VCL: variants seen among roughly 807,000 people sequenced by gnomAD.
The protein encoded by VCL is epididymis luminal protein 114.
In VCL, 47 loss-of-function variants were observed where a neutral mutation model predicts 125.7. That is an observed-to-expected ratio of 0.37 (90% CI 0.30 to 0.48). VCL has a LOEUF of 0.48. Among genes scored for constraint, VCL ranks in the 20% least tolerant of loss-of-function variants. The pLI is 0.99. For missense variants in VCL, 1,069 were observed against 1,455.5 expected (o/e 0.73, Z 4.32); for synonymous variants, 458 against 514.6 (o/e 0.89, Z 1.49).
At chr10:74,062,789 C>T (rs144915845) in intron 2 of VCL, among the ~76,000 whole-genome samples, 29 of 151,988 alleles carry the variant, frequency 1.9e-4, no homozygotes, top group Admixed American at 1.6e-3. Context: ...CTTCCTTGGC[C>T]GGGTGCAGTG....
chr10:74,052,152 C>T (rs1430539215), intron 2 of VCL, among the ~76,000 whole-genome samples: 1 of 152,074 alleles, frequency 6.6e-6, no homozygotes, highest in African/African-American at 2.4e-5. Context: ...GACCTATCAC[C>T]CTGGTGGGTG....
intron 7 of VCL, 39 bp downstream of exon 7, chr10:74,082,583 G>A (rs1839694747): frequency 1.9e-6 from 3 of 1,602,930 alleles, no homozygotes; most frequent in East Asian, 4.5e-5. Context: ...AATACAACGA[G>A]AAGCTAAAAA....
In VCL at chr10:74,072,818, C is replaced by T; in HGVS notation, c.588C>T (p.Asn196=). ...GAGTGATGTTGGTGAACTCGATGAA[C>T]ACCGTGAAAGAGTTGCTGCCAGTTC... is the stretch of plus-strand genomic sequence containing the variant. ...EHRVMLVNSM[N]TVKELLPVLI... The change falls in exon 5 of 22, where the codon AAC becomes AAT. Residue 196 remains asparagine (N), a synonymous_variant. Coordinates refer to ENST00000211998, the MANE Select transcript of VCL (RefSeq NM_014000.3). The T allele has an allele frequency of 6.2e-7, 1 of 1,614,184 alleles. No individual in the cohort carries two copies. Among genetic ancestry groups the T allele is most frequent in the Non-Finnish European group, 8.5e-7 (1 of 1,180,008 alleles).
intron 1 of VCL, among the ~76,000 whole-genome samples, chr10:74,007,354 T>C (rs1158638504): frequency 3.3e-5 from 5 of 152,294 alleles, no homozygotes; most frequent in East Asian, 3.9e-4. Context: ...AGGATAGGAA[T>C]ATCCTCATTA....
intron 1 of VCL, among the ~76,000 whole-genome samples, chr10:74,000,704 T>C (rs1024888382): frequency 6.6e-6 from 1 of 152,194 alleles, no homozygotes; most frequent in Non-Finnish European, 1.5e-5. Context: ...TGTGCCACTG[T>C]GCCCGGCCAG....
intron 1 of VCL, among the ~76,000 whole-genome samples, chr10:74,011,762 G>C (rs151242950): frequency 1.6e-4 from 24 of 152,186 alleles, no homozygotes; most frequent in Admixed American, 2.0e-4. Context: ...TACATATTTT[G>C]AACTTTTAGA....
At chr10:74,102,164 T>C (rs1398150169) in intron 14 of VCL, among the ~76,000 whole-genome samples, 1 of 152,154 alleles carries the variant, frequency 6.6e-6, no homozygotes, top group East Asian at 1.9e-4. Flanking sequence ...TGCGGCCGGC[T>C]TGGATAATCT....
chr10:74,091,902 T>TTTTA (rs1009809849), intron 10 of VCL, among the ~76,000 whole-genome samples: 16 of 151,584 alleles, frequency 1.1e-4, no homozygotes, highest in Middle Eastern at 3.4e-3. Context: ...TATGTATGTA[T>TTTTA]TTTATTTATT....
chr10:74,098,967 C>T (rs777539104), intron 13 of VCL, among the ~76,000 whole-genome samples: 17 of 152,154 alleles, frequency 1.1e-4, no homozygotes, highest in Admixed American at 2.6e-4. Context: ...TCCCCACACC[C>T]GTTCATACAA....
Position 74,107,286 on chromosome 10 carries a change from G to A in VCL, c.2491G>A (p.Val831Ile). Reference sequence around the variant, plus strand: ...TCGGATCCTGGGAGCTGTGGCCAAGGTCAGAGAAGCCTTCCAACCTCAGGA... The same window carrying A: ...TCGGATCCTGGGAGCTGTGGCCAAGATCAGAGAAGCCTTCCAACCTCAGGA... ...GYRILGAVAK[V>I]REAFQPQEPD... is the part of the protein sequence containing the mutation. The change falls in exon 17 of 22, where the codon GTC becomes ATC. Residue 831 changes from valine to isoleucine, a missense_variant. Coordinates refer to ENST00000211998, the MANE Select transcript of VCL (RefSeq NM_014000.3). 1 of 1,614,174 alleles carries A rather than the reference G, an allele frequency of 6.2e-7. No individual in the cohort carries two copies. The highest frequency in any genetic ancestry group is 8.5e-7 in the Non-Finnish European group (1 of 1,180,040).
chr10:74,105,816 A>C (rs1840123015), intron 16 of VCL, among the ~76,000 whole-genome samples: 1 of 140,766 alleles, frequency 7.1e-6, no homozygotes, highest in South Asian at 2.1e-4. Flanking sequence ...TGGCCTGTCA[A>C]AGTGCTGGGA....
chr10:74,064,097 C>T lies in VCL; in HGVS notation c.240-6573C>T, dbSNP rs558371360. Among the ~76,000 whole-genome samples the T allele has an allele frequency of 5.9e-5, 9 of 152,314 alleles. No individual in the cohort carries two copies. The South Asian group carries it at 1.7e-3, about 28-fold the overall frequency. ...TGACTTTACTACAAAGTTGGGAGTT[C>T]CTACAACTCCCCGCTTTCGGGTTTG... On this transcript the variant is annotated intron_variant, in intron 2 of 21. Coordinates refer to ENST00000211998, the MANE Select transcript of VCL (RefSeq NM_014000.3).
In VCL at chr10:74,064,031, A is replaced by G. The variant is rs984373278; in HGVS notation, c.240-6639A>G. ...TAAAACTATCCTCACTTCAGATACC[A>G]GTCACAAGTATTGGGTGCCTGGTAT... On this transcript the variant is annotated intron_variant, in intron 2 of 21. Coordinates refer to ENST00000211998, the MANE Select transcript of VCL (RefSeq NM_014000.3). The G allele has an allele frequency of 2.1e-4, 32 of 152,208 alleles. 2 individuals carry two copies. The highest frequency in any genetic ancestry group is 8.8e-5 in the Non-Finnish European group (6 of 68,044). The allele number at this position is 152,208 out of a possible 1,614,324, so 9.4% of individuals were successfully genotyped here.
At position 74,102,889 on chromosome 10, in the gene VCL, C is replaced by T. The variant is rs190688914; in HGVS notation, c.2023-931C>T. On this transcript the variant is annotated intron_variant, in intron 14 of 21. Coordinates refer to ENST00000211998, the MANE Select transcript of VCL (RefSeq NM_014000.3). The stretch of plus-strand genomic sequence containing the variant: ...TGTGAGTTTTTTTTTTTTTCCGAGA[C>T]GGAGTCTTGCTCTGTTGCCCAGGCT... 3.7e-4 allele frequency among the ~76,000 whole-genome samples: 56 copies of T among 150,854 alleles called. 1 individual carries two copies. Among genetic ancestry groups the T allele is most frequent in the Admixed American group, 4.6e-4 (7 of 15,166 alleles).
chr10:74,066,185 G>A (rs938858903), intron 2 of VCL, among the ~76,000 whole-genome samples: 7 of 151,434 alleles, frequency 4.6e-5, no homozygotes, highest in African/African-American at 1.7e-4. Context: ...TCAGCCTCCC[G>A]AGTAGCTGGG....
At chr10:74,026,102 A>G (rs1391261143) in intron 1 of VCL, among the ~76,000 whole-genome samples, 1 of 152,208 alleles carries the variant, frequency 6.6e-6, no homozygotes, top group African/African-American at 2.4e-5. Flanking sequence ...CCTGGCCTGC[A>G]TCATATTGCC....
intron 1 of VCL, among the ~76,000 whole-genome samples, chr10:74,042,869 C>T (rs997548082): frequency 6.6e-6 from 1 of 152,078 alleles, no homozygotes; most frequent in Non-Finnish European, 1.5e-5. Context: ...AGTAATACAA[C>T]ATTATGTTTG....
intron 1 of VCL, among the ~76,000 whole-genome samples, chr10:74,022,914 T>TA (rs1565636495): frequency 1.3e-5 from 2 of 152,180 alleles, no homozygotes; most frequent in Non-Finnish European, 2.9e-5. Context: ...GTGCTGGGAT[T>TA]ACAGATGTGA....
In VCL at chr10:74,118,554, C is replaced by G. The variant is rs1384559705; in HGVS notation, c.*385C>G. ...TCTCTTTCCTTGGCTCCCATTCACTCTTCCAGAATCCCAAGACCCAGGGCC... is the reference window on the plus strand; with the variant it reads ...TCTCTTTCCTTGGCTCCCATTCACTGTTCCAGAATCCCAAGACCCAGGGCC... On this transcript the variant is annotated 3_prime_UTR_variant, in exon 22 of 22. Transcript: ENST00000211998. The G allele has an allele frequency of 1.3e-5, 4 of 305,610 alleles. No individual in the cohort carries two copies. The East Asian group carries it at 3.2e-4, about 24-fold the overall frequency. 18.9% of individuals were successfully genotyped at this position (305,610 alleles called of 1,614,324 possible). A position where few individuals can be genotyped will look rare whatever the true frequency, so the allele number is the denominator to read the frequency against.
Sources: gnomAD v4.1 joint callset for allele counts (sites outside exome capture counted in the v4.1 genomes callset) on GRCh38, gnomAD v4.1.1 for gene constraint, MANE v1.5 for transcripts, NCBI Gene and HGNC (gene_info 2026-07-23, HGNC 2026-07-21) for gene names.